C7: variants seen among roughly 807,000 people sequenced by gnomAD.
C7 encodes the protein complement component C7.
C7 carries 83 observed loss-of-function variants against 104.8 expected under a neutral mutation model. The ratio of observed to expected loss-of-function variants is 0.79; its 90% CI spans 0.66 to 0.95. The LOEUF is 0.95. Ranked by LOEUF, C7 falls within the 40% of genes least tolerant of loss-of-function variation. C7 has a pLI of 0.00. For missense variants in C7, 1,070 were observed against 1,011.2 expected (o/e 1.06, Z -0.79); for synonymous variants, 415 against 360.6 (o/e 1.15, Z -1.71).
chr5:40,951,035 A>T (rs1740158542), intron 9 of C7, among the ~76,000 whole-genome samples: 1 of 152,222 alleles, frequency 6.6e-6, no homozygotes, highest in Admixed American at 6.6e-5. Context: ...TGTAGAGAAT[A>T]AAGAAGAATG....
At chr5:40,968,570 A>T (rs1299841287) in intron 14 of C7, among the ~76,000 whole-genome samples, 3 of 50,804 alleles carry the variant, frequency 5.9e-5, no homozygotes, top group Non-Finnish European at 1.2e-4. Flanking sequence ...TATATATTTT[A>T]TATATATATA....
chr5:40,949,371 A>AAC (rs1374219180), intron 8 of C7, among the ~76,000 whole-genome samples: 1 of 150,580 alleles, frequency 6.6e-6, no homozygotes, highest in Non-Finnish European at 1.5e-5. Flanking sequence ...AAAAAAAAAA[A>AAC]AACACAAAAA....
chr5:40,972,176 G>T, intron 14 of C7: 1 of 570,620 alleles, frequency 1.8e-6, no homozygotes, highest in Non-Finnish European at 3.2e-6. Context: ...TTGAGGGGAG[G>T]GGTGGGAGAG....
At chr5:40,937,264 T>C (rs1302712944) in intron 5 of C7, 1 of 200,656 alleles carries the variant, frequency 5.0e-6, no homozygotes, top group Non-Finnish European at 1.0e-5. Flanking sequence ...GCTGTTGCCA[T>C]AGATACGAAA....
At position 40,972,516 on chromosome 5, in the gene C7, G is replaced by C; in HGVS notation, c.1996G>C (p.Glu666Gln). The change falls in exon 15 of 18, where the codon GAA becomes CAA. Residue 666 changes from glutamate (E) to glutamine (Q), a missense_variant. Transcript: ENST00000313164. ...TVSCSGGMSLEGPSAFLCGSS... is the reference protein window; with the variant it reads ...TVSCSGGMSLQGPSAFLCGSS... Reference sequence around the variant, plus strand: ...TTCCTGTTCAGGTGGCATGTCCTTAGAAGGTCCTTCAGCATTTCTCTGTGG... The same window carrying C: ...TTCCTGTTCAGGTGGCATGTCCTTACAAGGTCCTTCAGCATTTCTCTGTGG... 1.2e-6 allele frequency: 2 copies of C among 1,613,778 alleles called. No homozygotes were observed. The highest frequency in any genetic ancestry group is 1.7e-6 in the Non-Finnish European group (2 of 1,179,754).
Position 40,934,306 on chromosome 5 carries a change from C to T in C7, c.139-19C>T, listed in dbSNP as rs1739759391. The T allele has an allele frequency of 6.4e-7, 1 of 1,555,568 alleles. No individual in the cohort carries two copies. Among genetic ancestry groups the T allele is most frequent in the African/African-American group, 1.4e-5 (1 of 73,504 alleles). On this transcript the variant is annotated intron_variant, in intron 3 of 17. Transcript: ENST00000313164. ...AACAAACAAATAAACAAACAAACCA[C>T]TGCCTGCTTTGTGTTTAGACTCGCA...
intron 15 of C7, among the ~76,000 whole-genome samples, chr5:40,975,991 G>A (rs1336024544): frequency 6.6e-6 from 1 of 152,186 alleles, no homozygotes; most frequent in Non-Finnish European, 1.5e-5. Flanking sequence ...ATTGCAATCA[G>A]GGATAGCTGA....
At chr5:40,975,738 T>C (rs1228170093) in intron 15 of C7, among the ~76,000 whole-genome samples, 4 of 152,182 alleles carry the variant, frequency 2.6e-5, no homozygotes, top group African/African-American at 9.7e-5. Context: ...ATTGCCATCA[T>C]TTTTACAGGT....
In C7 at chr5:40,964,020, C is replaced by CTTT. The variant is rs869250524; in HGVS notation, c.1750-692_1750-690dup. Among the ~76,000 whole-genome samples the CTTT allele has an allele frequency of 2.2e-3, 89 of 39,884 alleles. 13 individuals carry two copies. The highest frequency in any genetic ancestry group is 5.6e-3 in the East Asian group (5 of 900). The allele number at this position is 39,884 out of a possible 152,430, so 26.2% of individuals were successfully genotyped here. A position where few individuals can be genotyped will look rare whatever the true frequency, so the allele number is the denominator to read the frequency against. On this transcript the variant is annotated intron_variant, in intron 13 of 17. Transcript: ENST00000313164. ...TATTGTCAATGAACAGCTCATAATA[C>CTTT]TTTTTTTTTTTTTTTTTTTTTTTTT...
chr5:40,937,733 A>G (rs112311013), intron 6 of C7, 43 bp downstream of exon 6: 13 of 1,470,164 alleles, frequency 8.8e-6, no homozygotes, highest in African/African-American at 1.4e-5. Context: ...ATTGTCAGAG[A>G]GCATTATTTA....
chr5:40,922,579 T>C (rs1213457073), intron 1 of C7, among the ~76,000 whole-genome samples: 1 of 150,798 alleles, frequency 6.6e-6, no homozygotes, highest in Non-Finnish European at 1.5e-5. Flanking sequence ...CACGTGCCTG[T>C]AATTTCAACT....
chr5:40,976,284 G>A (rs1579878467), intron 15 of C7, among the ~76,000 whole-genome samples: 2 of 152,186 alleles, frequency 1.3e-5, no homozygotes, highest in African/African-American at 4.8e-5. Flanking sequence ...CAGGCAGAAT[G>A]CAGTCCAAAC....
At chr5:40,961,583 C>T (rs940009273) in intron 12 of C7, among the ~76,000 whole-genome samples, 1 of 152,090 alleles carries the variant, frequency 6.6e-6, no homozygotes, top group South Asian at 2.1e-4. Flanking sequence ...TGGGGTTTCA[C>T]CTTGTTGGCC....
At chr5:40,969,369 C>A (rs964223697) in intron 14 of C7, among the ~76,000 whole-genome samples, 1 of 151,866 alleles carries the variant, frequency 6.6e-6, no homozygotes, top group African/African-American at 2.4e-5. Flanking sequence ...TAATTTCATT[C>A]TTTAGGTAAG....
Position 40,931,013 on chromosome 5 carries a change from C to T in C7, c.63-51C>T, listed in dbSNP as rs192926524. 2.7e-3 allele frequency: 3,286 copies of T among 1,233,138 alleles called. 13 individuals carry two copies. The highest frequency in any genetic ancestry group is 0.01 in the Middle Eastern group (55 of 5,310). 76.4% of individuals were successfully genotyped at this position (1,233,138 alleles called of 1,614,324 possible). A position where few individuals can be genotyped will look rare whatever the true frequency, so the allele number is the denominator to read the frequency against. ...CTGTTTTCACTATTCTTTGTGTTCC[C>T]TTGCGTATCTTTCCACCTGCTTTAT... On this transcript the variant is annotated intron_variant, in intron 2 of 17. Coordinates refer to ENST00000313164, the MANE Select transcript of C7 (RefSeq NM_000587.4).
intron 11 of C7, among the ~76,000 whole-genome samples, 194 bp from the exon 12 acceptor site, chr5:40,959,255 G>A (rs544053634): frequency 5.9e-5 from 9 of 152,192 alleles, no homozygotes; most frequent in Non-Finnish European, 1.2e-4. Flanking sequence ...GTTCACTAAT[G>A]CAACCTTAAT....
intron 12 of C7, among the ~76,000 whole-genome samples, chr5:40,960,354 G>C (rs1740397422): frequency 6.6e-6 from 1 of 152,156 alleles, no homozygotes. Flanking sequence ...TGAGGTGCTT[G>C]GGTATCTGGT....
chr5:40,952,728 A>T (rs1161878824), intron 9 of C7, among the ~76,000 whole-genome samples: 1 of 151,196 alleles, frequency 6.6e-6, no homozygotes, highest in Admixed American at 6.6e-5. Flanking sequence ...CCCACCTGTG[A>T]GTGAGAACAT....
chr5:40,955,585 G>A (rs1453682606), intron 10 of C7, 32 bp downstream of exon 10: 16 of 1,586,962 alleles, frequency 1.0e-5, no homozygotes, highest in Non-Finnish European at 1.4e-5. Context: ...GCAATAGGAA[G>A]CAGTCATGTT....
Sources: gnomAD v4.1 joint callset for allele counts (sites outside exome capture counted in the v4.1 genomes callset) on GRCh38, gnomAD v4.1.1 for gene constraint, MANE v1.5 for transcripts, NCBI Gene and HGNC (gene_info 2026-07-23, HGNC 2026-07-21) for gene names.